Variants in THSD7B observed in about 807,000 individuals in gnomAD.
THSD7B encodes thrombospondin type 1 domain containing 7B.
Under a neutral mutation model 213.6 loss-of-function variants are expected in THSD7B, and 138 were observed. The observed-to-expected ratio is 0.65, with a 90% confidence interval of 0.56 to 0.74. THSD7B has a LOEUF of 0.74. THSD7B is among the 30% of genes least tolerant of loss of function. The pLI is 0.00. For synonymous variants in THSD7B, 742 were observed against 687.0 expected (o/e 1.08, Z -1.25); for missense variants, 1,931 against 1,991.5 (o/e 0.97, Z 0.58).
chr2:137,011,214 C>T (rs1327499477), intron 2 of THSD7B, among the ~76,000 whole-genome samples: 1 of 152,116 alleles, frequency 6.6e-6, no homozygotes, highest in East Asian at 1.9e-4. Context: ...GGGCTTAATC[C>T]AGCTACTCTG....
rs116265180 is a variant in THSD7B at position 137,420,045 on chromosome 2, T to C, written c.2959+8173T>C. Among the ~76,000 whole-genome samples, 1,374 of 152,302 alleles carry C rather than the reference T, an allele frequency of 9.0e-3. 17 individuals are homozygous for C. The highest frequency in any genetic ancestry group is 0.031 in the African/African-American group (1,273 of 41,560). The stretch of plus-strand genomic sequence containing the variant: ...ATACTGTTATTCATAATGATTATAC[T>C]AATTTACATTCCCACTAACAGTGTA... On this transcript the variant is annotated intron_variant, in intron 14 of 27. Coordinates refer to ENST00000409968, the MANE Select transcript of THSD7B (RefSeq NM_001316349.2).
In THSD7B at chr2:137,518,276, C is replaced by T. The variant is rs776581182; in HGVS notation, c.3139-44945C>T. On this transcript the variant is annotated intron_variant, in intron 15 of 27. Transcript: ENST00000409968. The stretch of plus-strand genomic sequence containing the variant: ...GGTTCACAGATGATCCTGCACCACC[C>T]GAAAGTGGACAGCTGCAGCACTACA... 2.0e-4 allele frequency among the ~76,000 whole-genome samples: 30 copies of T among 152,214 alleles called. 1 individual carries two copies. The highest frequency in any genetic ancestry group is 5.8e-4 in the East Asian group (3 of 5,160).
intron 1 of THSD7B, among the ~76,000 whole-genome samples, chr2:136,879,153 G>A (rs1278561778): frequency 6.6e-6 from 1 of 152,128 alleles, no homozygotes; most frequent in Non-Finnish European, 1.5e-5. Context: ...AGTTTTCCCA[G>A]CACCATTTAT....
At chr2:137,342,005 G>T (rs1684772788) in intron 12 of THSD7B, among the ~76,000 whole-genome samples, 1 of 150,718 alleles carries the variant, frequency 6.6e-6, no homozygotes, top group Non-Finnish European at 1.5e-5. Context: ...TGAATTTTAG[G>T]GTTTTTTTCT....
chr2:137,586,670 C>T (rs188486336), intron 17 of THSD7B, among the ~76,000 whole-genome samples: 1 of 152,228 alleles, frequency 6.6e-6, no homozygotes, highest in Non-Finnish European at 1.5e-5. Flanking sequence ...GGCCCCCACT[C>T]TCTTCTGGCT....
chr2:137,387,871 A>T (rs1354556269), intron 12 of THSD7B, among the ~76,000 whole-genome samples: 1 of 152,180 alleles, frequency 6.6e-6, no homozygotes, highest in Non-Finnish European at 1.5e-5. Context: ...GGTTATCACC[A>T]TTATGAAAAC....
intron 15 of THSD7B, among the ~76,000 whole-genome samples, chr2:137,522,895 G>C (rs1680213071): frequency 2.0e-5 from 3 of 152,160 alleles, no homozygotes; most frequent in African/African-American, 7.2e-5. Flanking sequence ...CAAGCTAGTT[G>C]TTTACCTGCC....
chr2:137,087,484 T>A (rs1390155701), intron 3 of THSD7B, among the ~76,000 whole-genome samples: 1 of 152,220 alleles, frequency 6.6e-6, no homozygotes, highest in Non-Finnish European at 1.5e-5. Context: ...TGTACATATA[T>A]CAGTAGCTCT....
chr2:137,073,292 G>A (rs143312239), intron 3 of THSD7B, among the ~76,000 whole-genome samples: 3 of 150,820 alleles, frequency 2.0e-5, no homozygotes, highest in Non-Finnish European at 3.0e-5. Context: ...GCCTGTTATT[G>A]TTCTATTCAG....
chr2:137,013,560 A>T (rs1343169522), intron 2 of THSD7B, among the ~76,000 whole-genome samples: 1 of 152,206 alleles, frequency 6.6e-6, no homozygotes, highest in Non-Finnish European at 1.5e-5. Flanking sequence ...ATTCTTTGTG[A>T]GGGTCCAAAG....
At chr2:137,363,373 A>G (rs901928889) in intron 12 of THSD7B, among the ~76,000 whole-genome samples, 1 of 152,238 alleles carries the variant, frequency 6.6e-6, no homozygotes, top group Non-Finnish European at 1.5e-5. Context: ...AGAAGGCAAG[A>G]AATAACTAAG....
chr2:136,970,953 G>A (rs576883434), intron 2 of THSD7B, among the ~76,000 whole-genome samples: 2 of 152,204 alleles, frequency 1.3e-5, no homozygotes, highest in South Asian at 2.1e-4. Context: ...ATACAATAAA[G>A]CCACAATTAC....
chr2:137,113,884 G>T (rs956435553), intron 4 of THSD7B, among the ~76,000 whole-genome samples: 7 of 152,326 alleles, frequency 4.6e-5, no homozygotes, highest in Middle Eastern at 3.4e-3. Flanking sequence ...AAAAACTCAT[G>T]TTACAACAAA....
intron 21 of THSD7B, among the ~76,000 whole-genome samples, chr2:137,651,713 A>ATACT (rs1429135200): frequency 1.2e-4 from 19 of 152,070 alleles, no homozygotes; most frequent in African/African-American, 4.6e-4. Flanking sequence ...TTCCCTCTTA[A>ATACT]TACTGCTTTT....
intron 1 of THSD7B, among the ~76,000 whole-genome samples, chr2:136,862,056 C>T (rs1683265018): frequency 1.3e-5 from 2 of 152,190 alleles, no homozygotes; most frequent in South Asian, 4.1e-4. Context: ...TGGTGTTCCC[C>T]ATGGTGAGTG....
At chr2:137,105,669 C>G (rs1401464784) in intron 4 of THSD7B, among the ~76,000 whole-genome samples, 2 of 152,092 alleles carry the variant, frequency 1.3e-5, no homozygotes, top group African/African-American at 4.8e-5. Flanking sequence ...TTGTCTCAGC[C>G]CAAAATCTCC....
rs144530180 is a variant in THSD7B, at chr2:137,227,640, C to T, written c.1724-3404C>T. 8.9e-4 allele frequency among the ~76,000 whole-genome samples: 136 copies of T among 152,214 alleles called. 1 individual carries two copies. The East Asian group carries it at 0.022, about 24-fold the overall frequency. On this transcript the variant is annotated intron_variant, in intron 7 of 27. Transcript: ENST00000409968. Reference sequence around the variant, plus strand: ...AGATAATTATACCAATGTATATGGGCAGATGAGGTTATTTAGGCTCAAGTG... The same window carrying T: ...AGATAATTATACCAATGTATATGGGTAGATGAGGTTATTTAGGCTCAAGTG...
chr2:136,830,128 A>G (rs1573658136), intron 1 of THSD7B, among the ~76,000 whole-genome samples: 2 of 151,926 alleles, frequency 1.3e-5, no homozygotes, highest in African/African-American at 4.8e-5. Context: ...GTGCGCGCAC[A>G]CACACACACA....
In THSD7B at chr2:137,308,150, C is replaced by T. The variant is rs530821261; in HGVS notation, c.2500+32124C>T. Among the ~76,000 whole-genome samples the T allele has an allele frequency of 2.6e-5, 4 of 152,112 alleles. No homozygotes were observed. The South Asian group carries it at 8.4e-4, about 32-fold the overall frequency. The stretch of plus-strand genomic sequence containing the variant: ...CCCTTCTTGATGCTCCTGCCCACCC[C>T]TAGAACATTGTATGCATGTGCACTC... On this transcript the variant is annotated intron_variant, in intron 12 of 27. Transcript: ENST00000409968.
Sources: allele counts gnomAD v4.1 joint callset (sites outside exome capture counted in the v4.1 genomes callset), GRCh38; gene constraint gnomAD v4.1.1; transcripts MANE v1.5; gene names NCBI Gene and HGNC (gene_info 2026-07-23, HGNC 2026-07-21).